EYS: variants seen among roughly 807,000 people sequenced by gnomAD.
The protein encoded by EYS is protein eyes shut homolog.
In EYS, 250 loss-of-function variants were observed where a neutral mutation model predicts 282.1. The ratio of observed to expected loss-of-function variants is 0.89; its 90% CI spans 0.80 to 0.98. The LOEUF is 0.98. EYS is among the 50% of genes least tolerant of loss of function. The probability of loss-of-function intolerance (pLI) is 0.00; values close to 1 mark genes in which losing one functional copy is unlikely to be tolerated. For missense variants in EYS, 4,016 were observed against 3,709.0 expected (o/e 1.08, Z -2.15); for synonymous variants, 1,355 against 1,282.9 (o/e 1.06, Z -1.20).
At chr6:64,607,264 C>T (rs561576107) in intron 24 of EYS, among the ~76,000 whole-genome samples, 27 of 150,006 alleles carry the variant, frequency 1.8e-4, no homozygotes, top group African/African-American at 5.9e-4. Context: ...CATGTAAGAA[C>T]CATGTGAAGA....
chr6:64,647,329 G>T (rs542666165), intron 22 of EYS, among the ~76,000 whole-genome samples: 1 of 152,056 alleles, frequency 6.6e-6, no homozygotes, highest in Non-Finnish European at 1.5e-5. Context: ...TCACATGAAA[G>T]GCAGTTTTTA....
At chr6:64,783,151 G>A (rs1773912482) in intron 22 of EYS, among the ~76,000 whole-genome samples, 1 of 151,902 alleles carries the variant, frequency 6.6e-6, no homozygotes, top group Non-Finnish European at 1.5e-5. Context: ...TGACTGTCAT[G>A]GTATCACAGT....
intron 23 of EYS, 50 bp from the exon 24 acceptor site, chr6:64,617,583 AAC>A (rs1767314162): frequency 2.9e-6 from 3 of 1,034,914 alleles, no homozygotes; most frequent in African/African-American, 1.6e-5. Flanking sequence ...TGATAATAAA[AAC>A]AGTTATGCTA....
At chr6:64,662,360 G>A (rs1480516737) in intron 22 of EYS, among the ~76,000 whole-genome samples, 3 of 152,034 alleles carry the variant, frequency 2.0e-5, no homozygotes, top group East Asian at 3.9e-4. Context: ...TTGTGCACAT[G>A]TACCCTAAAA....
In EYS at chr6:63,948,987, TCA is replaced by T. The variant is rs573792789; in HGVS notation, c.7055+35394_7055+35395del. 3.2e-4 allele frequency among the ~76,000 whole-genome samples: 49 copies of T among 152,344 alleles called. No homozygotes were observed. In the South Asian group the frequency reaches 9.1e-3, roughly 28 times the overall value. On this transcript the variant is annotated intron_variant, in intron 35 of 42. Transcript: ENST00000503581. ...ATTATTTCTGTATTTTCAGAATTGT[TCA>T]GTTACTACAGTGTACTACCTATAAT... is the stretch of plus-strand genomic sequence containing the variant.
At chr6:63,760,313 G>A (rs1048133005) in intron 41 of EYS, among the ~76,000 whole-genome samples, 2 of 151,958 alleles carry the variant, frequency 1.3e-5, no homozygotes, top group Admixed American at 1.3e-4. Flanking sequence ...TAAATCATAA[G>A]TTATAACAGG....
chr6:63,824,925 C>T lies in EYS; in HGVS notation c.7229-18553G>A, dbSNP rs1478588781. Reference sequence around the variant, plus strand: ...CTCCTGGCCAGAACTTGGGGGAGGGCGCCAATCCCGCTTGCAGAGTTCACA... The same window carrying T: ...CTCCTGGCCAGAACTTGGGGGAGGGTGCCAATCCCGCTTGCAGAGTTCACA... On this transcript the variant is annotated intron_variant, in intron 36 of 42. Transcript: ENST00000503581. Among the ~76,000 whole-genome samples the T allele has an allele frequency of 3.9e-5, 6 of 152,164 alleles. No homozygotes were observed. The East Asian group carries it at 7.7e-4, about 19-fold the overall frequency.
intron 8 of EYS, among the ~76,000 whole-genome samples, chr6:65,381,342 C>T (rs762471892): frequency 6.6e-6 from 1 of 152,142 alleles, no homozygotes; most frequent in East Asian, 1.9e-4. Context: ...TGGAAACCAT[C>T]ATCCTCAGCA....
intron 12 of EYS, among the ~76,000 whole-genome samples, chr6:65,252,257 CCT>C (rs1031239272): frequency 2.0e-5 from 3 of 151,810 alleles, no homozygotes; most frequent in African/African-American, 7.3e-5. Flanking sequence ...CTAAATCACC[CCT>C]GTGTTGCACA....
At chr6:65,545,574 G>C (rs923354908) in intron 2 of EYS, among the ~76,000 whole-genome samples, 1 of 152,102 alleles carries the variant, frequency 6.6e-6, no homozygotes, top group African/African-American at 2.4e-5. Flanking sequence ...AATTACAAGA[G>C]ACAGAATTAC....
rs78282987 is a variant in EYS at position 64,263,708 on chromosome 6, G to A, written c.6192-32884C>T. 4.6e-3 allele frequency among the ~76,000 whole-genome samples: 693 copies of A among 152,150 alleles called. 7 individuals carry two copies. Among genetic ancestry groups the A allele is most frequent in the South Asian group, 0.013 (62 of 4,818 alleles). ...TATGGCGATTTCTCTTGGCTCTGAC[G>A]ATTGGCTGAAACCCATATGGATGTA... On this transcript the variant is annotated intron_variant, in intron 30 of 42. Coordinates refer to ENST00000503581, the MANE Select transcript of EYS (RefSeq NM_001142800.2).
rs1478196408 is a variant in EYS, at chr6:65,494,893, A to G, written c.518T>C (p.Phe173Ser). The change falls in exon 4 of 43, where the codon TTC (phenylalanine) becomes TCC (serine). Residue 173 changes from phenylalanine to serine, a missense_variant. Transcript: ENST00000503581. ...TTCTGAACTCAGAGATTCCTGGCAGAACTGCTGTTTCACTGTCACATTTAG... is the reference window on the plus strand; with the variant it reads ...TTCTGAACTCAGAGATTCCTGGCAGGACTGCTGTTTCACTGTCACATTTAG... The part of the protein sequence containing the change: ...LRLNVTVKQQ[F>S]CQESLSSEFC... The G allele has an allele frequency of 1.2e-6, 2 of 1,613,966 alleles. No homozygotes were observed. Among genetic ancestry groups the G allele is most frequent in the Non-Finnish European group, 8.5e-7 (1 of 1,179,948 alleles).
At chr6:65,312,595 G>A (rs1171421676) in intron 11 of EYS, among the ~76,000 whole-genome samples, 1 of 152,214 alleles carries the variant, frequency 6.6e-6, no homozygotes, top group East Asian at 1.9e-4. Flanking sequence ...CTAGATAATT[G>A]CTGCTTTGGA....
At chr6:65,513,279 G>A (rs1303149927) in intron 2 of EYS, among the ~76,000 whole-genome samples, 3 of 152,104 alleles carry the variant, frequency 2.0e-5, no homozygotes, top group Non-Finnish European at 4.4e-5. Flanking sequence ...AACAGGCTCT[G>A]AAATTGTGGC....
chr6:64,054,571 T>C (rs1770919833), intron 33 of EYS, among the ~76,000 whole-genome samples: 1 of 152,150 alleles, frequency 6.6e-6, no homozygotes, highest in Admixed American at 6.6e-5. Context: ...AGGTTTTCTA[T>C]TGTTGATTTG....
chr6:64,460,870 T>G (rs986900513), intron 26 of EYS, among the ~76,000 whole-genome samples: 20 of 152,324 alleles, frequency 1.3e-4, no homozygotes, highest in African/African-American at 3.6e-4. Flanking sequence ...TGTTAAAAAT[T>G]CAGCACTGAT....
intron 30 of EYS, among the ~76,000 whole-genome samples, chr6:64,272,321 G>T (rs1011796617): frequency 2.0e-5 from 3 of 152,138 alleles, no homozygotes; most frequent in Non-Finnish European, 4.4e-5. Flanking sequence ...TCATTATGAT[G>T]CTAGCTGGTT....
At chr6:65,109,438 A>G (rs1308028535) in intron 12 of EYS, among the ~76,000 whole-genome samples, 1 of 151,644 alleles carries the variant, frequency 6.6e-6, no homozygotes, top group Non-Finnish European at 1.5e-5. Flanking sequence ...TGAACTGCAA[A>G]CCTTTTTTTA....
intron 9 of EYS, among the ~76,000 whole-genome samples, chr6:65,353,085 C>A (rs991354881): frequency 1.3e-5 from 2 of 151,698 alleles, no homozygotes; most frequent in African/African-American, 4.8e-5. Flanking sequence ...TCTAAATAGG[C>A]TCATTGCTTA....
Sources: allele counts gnomAD v4.1 joint callset (sites outside exome capture counted in the v4.1 genomes callset), GRCh38; gene constraint gnomAD v4.1.1; transcripts MANE v1.5; gene names NCBI Gene and HGNC (gene_info 2026-07-23, HGNC 2026-07-21).